The following IGF1R variants were observed in gnomAD, a reference collection of about 807,000 sequenced individuals.
IGF1R encodes insulin-like growth factor 1 receptor.
A neutral mutation model predicts 144.6 loss-of-function variants in IGF1R; 44 were observed. That is an observed-to-expected ratio of 0.30 (90% CI 0.24 to 0.39). IGF1R has a LOEUF of 0.39. IGF1R is among the 10% of genes least tolerant of loss of function. IGF1R has a pLI of 1.00. For missense variants in IGF1R, 1,355 were observed against 1,833.7 expected (o/e 0.74, Z 4.77); for synonymous variants, 795 against 722.8 (o/e 1.10, Z -1.60).
At chr15:98,768,913 G>A (rs1011968175) in intron 2 of IGF1R, among the ~76,000 whole-genome samples, 4 of 128,374 alleles carry the variant, frequency 3.1e-5, no homozygotes, top group Non-Finnish European at 6.7e-5. Flanking sequence ...GGGTGACAGA[G>A]TGAGATTCCG....
chr15:98,899,685 T>G (rs1037764367), intron 5 of IGF1R, 64 bp downstream of exon 5: 3 of 1,540,304 alleles, frequency 1.9e-6, no homozygotes, highest in Non-Finnish European at 2.7e-6. Flanking sequence ...CTTATGAAAC[T>G]GTGTTGCTGA....
intron 6 of IGF1R, 81 bp from the exon 7 acceptor site, chr15:98,911,234 G>C (rs113409084): frequency 6.5e-7 from 1 of 1,544,564 alleles, no homozygotes; most frequent in Non-Finnish European, 8.9e-7. Context: ...TTTGGGGAAG[G>C]GGGAAGCAGT....
intron 2 of IGF1R, among the ~76,000 whole-genome samples, chr15:98,782,766 T>C (rs2055889098): frequency 6.6e-6 from 1 of 152,238 alleles, no homozygotes; most frequent in South Asian, 2.1e-4. Flanking sequence ...CTTCAGAAAG[T>C]TGCTCAATAA....
At chr15:98,676,370 T>A (rs951978872) in intron 1 of IGF1R, among the ~76,000 whole-genome samples, 1 of 151,746 alleles carries the variant, frequency 6.6e-6, no homozygotes, top group African/African-American at 2.4e-5. Context: ...AATCCTGACC[T>A]TGCGATCCGC....
At chr15:98,948,814 G>GCACCTCCCT (rs1452942564) in intron 20 of IGF1R, 106 bp downstream of exon 20, 14 of 1,363,348 alleles carry the variant, frequency 1.0e-5, no homozygotes, top group Non-Finnish European at 1.4e-5. Context: ...CTCTGGTCCT[G>GCACCTCCCT]CGCCTCCCTT....
At chr15:98,705,601 G>A (rs2053842277) in intron 1 of IGF1R, among the ~76,000 whole-genome samples, 1 of 152,212 alleles carries the variant, frequency 6.6e-6, no homozygotes, top group Non-Finnish European at 1.5e-5. Flanking sequence ...CACATTCTAA[G>A]TTCTCAAGCT....
chr15:98,662,248 TGG>T (rs2052618680), intron 1 of IGF1R, among the ~76,000 whole-genome samples: 1 of 152,114 alleles, frequency 6.6e-6, no homozygotes, highest in Non-Finnish European at 1.5e-5. Context: ...CCCATAGTGC[TGG>T]GATTACAGAT....
chr15:98,879,127 G>A (rs1337932119), intron 2 of IGF1R, among the ~76,000 whole-genome samples: 2 of 152,190 alleles, frequency 1.3e-5, no homozygotes, highest in Non-Finnish European at 2.9e-5. Context: ...ATTTCACAGT[G>A]TTCTTCATTG....
chr15:98,930,031 A>G (rs1241202697), intron 14 of IGF1R, among the ~76,000 whole-genome samples: 1 of 152,206 alleles, frequency 6.6e-6, no homozygotes, highest in Non-Finnish European at 1.5e-5. Flanking sequence ...AGGAAGCCAG[A>G]AGATGTGTTA....
chr15:98,883,104 A>G (rs1328787899), intron 2 of IGF1R, among the ~76,000 whole-genome samples: 1 of 152,226 alleles, frequency 6.6e-6, no homozygotes, highest in African/African-American at 2.4e-5. Context: ...TTTCTCTAGA[A>G]CAAGAGGTTG....
intron 19 of IGF1R, 99 bp downstream of exon 19, chr15:98,943,151 AC>A: frequency 7.1e-7 from 1 of 1,399,910 alleles, no homozygotes; most frequent in South Asian, 1.2e-5. Flanking sequence ...GTTCATTGTT[AC>A]CCGTTGCCAG....
chr15:98,736,996 G>T (rs548501284), intron 2 of IGF1R, among the ~76,000 whole-genome samples: 4 of 152,090 alleles, frequency 2.6e-5, no homozygotes, highest in Non-Finnish European at 5.9e-5. Context: ...TCTGTGAATT[G>T]CCAAGACTCG....
intron 1 of IGF1R, among the ~76,000 whole-genome samples, chr15:98,674,294 G>A (rs190304460): frequency 6.6e-6 from 1 of 152,152 alleles, no homozygotes; most frequent in Non-Finnish European, 1.5e-5. Flanking sequence ...ATGAAAGCAG[G>A]AACTGTGTTC....
Position 98,963,604 on chromosome 15 carries a change from G to C in IGF1R, c.*6162G>C, listed in dbSNP as rs1370621834. 4.3e-6 allele frequency: 1 copy of C among 233,150 alleles called. No homozygotes were observed. Among genetic ancestry groups the C allele is most frequent in the Non-Finnish European group, 8.5e-6 (1 of 118,058 alleles). 14.4% of individuals were successfully genotyped at this position (233,150 alleles called of 1,614,324 possible). On this transcript the variant is annotated 3_prime_UTR_variant, in exon 21 of 21. Transcript: ENST00000650285. ...CAGTGCCATGGACATGGGAAGACTT[G>C]ACTGCACAGCCAATGGTTTTCATGA...
At chr15:98,944,285 C>T (rs768112582) in intron 19 of IGF1R, among the ~76,000 whole-genome samples, 4 of 152,298 alleles carry the variant, frequency 2.6e-5, no homozygotes, top group South Asian at 2.1e-4. Context: ...CAAATTCTGA[C>T]GAGCAGTTAC....
chr15:98,895,146 G>T lies in IGF1R; in HGVS notation c.954-1611G>T, dbSNP rs1326562265. On this transcript the variant is annotated intron_variant, in intron 3 of 20. Transcript: ENST00000650285. ...AACAGGTGGCATTAGGGAGAGCTTG[G>T]TGGTGACGGAACAGTTCTGTATCTT... Among the ~76,000 whole-genome samples, 5 of 151,956 alleles carry T rather than the reference G, an allele frequency of 3.3e-5. No homozygotes were observed. The South Asian group carries it at 8.3e-4, about 25-fold the overall frequency.
chr15:98,653,816 C>G (rs898040430), intron 1 of IGF1R, among the ~76,000 whole-genome samples: 2 of 152,228 alleles, frequency 1.3e-5, no homozygotes, highest in African/African-American at 4.8e-5. Flanking sequence ...TAATGAAAAT[C>G]AACTGTATCA....
chr15:98,661,829 T>C (rs532057726), intron 1 of IGF1R, among the ~76,000 whole-genome samples: 7 of 152,254 alleles, frequency 4.6e-5, no homozygotes, highest in African/African-American at 1.4e-4. Flanking sequence ...ATAGAAAGCA[T>C]CCAATAAATG....
chr15:98,854,738 G>C (rs1036623032), intron 2 of IGF1R, among the ~76,000 whole-genome samples: 1 of 152,268 alleles, frequency 6.6e-6, no homozygotes, highest in East Asian at 1.9e-4. Flanking sequence ...ATAAGTCGGG[G>C]GAATAGAAGA....
Sources: allele counts gnomAD v4.1 joint callset (sites outside exome capture counted in the v4.1 genomes callset), GRCh38; gene constraint gnomAD v4.1.1; transcripts MANE v1.5; gene names NCBI Gene and HGNC (gene_info 2026-07-23, HGNC 2026-07-21).